Variants in IL1RAPL1 observed in about 807,000 individuals in gnomAD.
The protein encoded by IL1RAPL1 is interleukin-1 receptor accessory protein-like 1.
IL1RAPL1 carries 3 observed loss-of-function variants against 48.4 expected under a neutral mutation model. That is an observed-to-expected ratio of 0.06 (90% CI 0.03 to 0.16). IL1RAPL1 has a LOEUF of 0.16. IL1RAPL1 is among the 10% of genes least tolerant of loss of function. The pLI is 1.00. For synonymous variants in IL1RAPL1, 185 were observed against 187.7 expected (o/e 0.99, Z 0.12); for missense variants, 349 against 530.6 (o/e 0.66, Z 3.36).
chrX:29,850,479 A>G (rs1931340424), intron 6 of IL1RAPL1, among the ~76,000 whole-genome samples: 2 of 112,401 alleles, frequency 1.8e-5, no homozygotes, highest in African/African-American at 6.5e-5. Flanking sequence ...CAGGACCTCT[A>G]AGGCCTTTCC....
chrX:29,465,888 A>G (rs1455692916), intron 5 of IL1RAPL1, among the ~76,000 whole-genome samples: 1 of 111,588 alleles, frequency 9.0e-6, no homozygotes, highest in African/African-American at 3.3e-5. Flanking sequence ...ATCCACCAAT[A>G]GGATGCTCAT....
chrX:28,642,339 C>T (rs1934555694), intron 1 of IL1RAPL1, among the ~76,000 whole-genome samples: 1 of 111,782 alleles, frequency 8.9e-6, no homozygotes, highest in Admixed American at 9.5e-5. Context: ...AACTCTCCAA[C>T]CCAAATCAAC....
intron 2 of IL1RAPL1, among the ~76,000 whole-genome samples, chrX:29,014,866 T>C (rs1054836631): frequency 8.9e-6 from 1 of 111,735 alleles, no homozygotes; most frequent in Non-Finnish European, 1.9e-5. Context: ...ATGTGGTGAT[T>C]ATGCTCTCAT....
chrX:29,198,420 C>T (rs933486617), intron 2 of IL1RAPL1, among the ~76,000 whole-genome samples: 3 of 109,890 alleles, frequency 2.7e-5, no homozygotes, highest in Non-Finnish European at 3.8e-5. Context: ...CTCAGGCTCC[C>T]GAGTAGCTGG....
intron 2 of IL1RAPL1, among the ~76,000 whole-genome samples, chrX:28,970,555 T>C (rs918262548): frequency 8.9e-5 from 10 of 112,038 alleles, no homozygotes; most frequent in Non-Finnish European, 1.9e-4. Flanking sequence ...GATTCATAAG[T>C]TTATAACTCC....
At chrX:29,359,233 A>G (rs138209708) in intron 3 of IL1RAPL1, among the ~76,000 whole-genome samples, 204 of 111,807 alleles carry the variant, frequency 1.8e-3, no homozygotes, top group African/African-American at 5.8e-3. Flanking sequence ...TTTAGCCACT[A>G]CTGAGAAGTC....
At chrX:28,596,820 T>C (rs1933960766) in intron 1 of IL1RAPL1, among the ~76,000 whole-genome samples, 1 of 111,717 alleles carries the variant, frequency 9.0e-6, no homozygotes, top group Non-Finnish European at 1.9e-5. Flanking sequence ...TCCTGATCCA[T>C]GGTTGCTTGG....
chrX:29,098,280 T>A (rs1928258861), intron 2 of IL1RAPL1, among the ~76,000 whole-genome samples: 1 of 111,370 alleles, frequency 9.0e-6, no homozygotes, highest in Non-Finnish European at 1.9e-5. Context: ...ACTGCTCTCC[T>A]TTTACACTTC....
intron 2 of IL1RAPL1, among the ~76,000 whole-genome samples, chrX:29,211,719 G>C (rs1430342676): frequency 2.7e-5 from 3 of 111,150 alleles, no homozygotes; most frequent in African/African-American, 9.9e-5. Context: ...GAAGTCAGAC[G>C]TAGAATTCCT....
At chrX:28,761,467 A>ACACAGGAACAGAAT (rs1936170960) in intron 1 of IL1RAPL1, among the ~76,000 whole-genome samples, 1 of 112,020 alleles carries the variant, frequency 8.9e-6, no homozygotes, top group South Asian at 3.7e-4. Context: ...AGAGGCCATC[A>ACACAGGAACAGAAT]TCCTAAGTGA....
At chrX:29,348,633 G>A (rs1480318073) in intron 3 of IL1RAPL1, among the ~76,000 whole-genome samples, 1 of 111,566 alleles carries the variant, frequency 9.0e-6, no homozygotes, top group African/African-American at 3.3e-5. Flanking sequence ...CTGCTTGGAT[G>A]ACTAGAATAA....
intron 6 of IL1RAPL1, among the ~76,000 whole-genome samples, chrX:29,741,966 A>G (rs1278662813): frequency 1.9e-5 from 2 of 103,907 alleles, no homozygotes; most frequent in African/African-American, 3.6e-5. Context: ...GAAAAGCCCC[A>G]TGTCTTTTCA....
chrX:29,410,196 C>A (rs1453992879), intron 5 of IL1RAPL1, among the ~76,000 whole-genome samples: 1 of 110,342 alleles, frequency 9.1e-6, no homozygotes, highest in African/African-American at 3.3e-5. Flanking sequence ...GGTGCAGTGG[C>A]TCACGTCTGT....
chrX:28,648,178 C>T (rs1231556847), intron 1 of IL1RAPL1, among the ~76,000 whole-genome samples: 1 of 111,131 alleles, frequency 9.0e-6, no homozygotes. Context: ...TGAAGTCTCC[C>T]ACAAATATCA....
intron 1 of IL1RAPL1, among the ~76,000 whole-genome samples, chrX:28,615,435 G>A (rs902306907): frequency 9.1e-6 from 1 of 109,371 alleles, no homozygotes; most frequent in Non-Finnish European, 1.9e-5. Context: ...ACTATAGCTC[G>A]ATTGTGTATA....
At chrX:29,086,886 C>T (rs1255974146) in intron 2 of IL1RAPL1, among the ~76,000 whole-genome samples, 1 of 111,584 alleles carries the variant, frequency 9.0e-6, no homozygotes, top group Non-Finnish European at 1.9e-5. Context: ...TGACTTGGAA[C>T]GTGTGGAAGC....
intron 6 of IL1RAPL1, among the ~76,000 whole-genome samples, chrX:29,756,605 G>T (rs189460631): frequency 0.081 from 8,875 of 110,049 alleles, 317 homozygotes; most frequent in Middle Eastern, 0.24. Flanking sequence ...TAGAGACGGG[G>T]TTTCACCATG....
rs375609135 is a variant in IL1RAPL1 at position 28,751,674 on chromosome X, A to G, written c.-24-37646A>G. ...TACAAGCTCCATGAGAGCAGAGATCATGTCAGTCTTCGGTAGTTGCTGCAA... is the reference window on the plus strand; with the variant it reads ...TACAAGCTCCATGAGAGCAGAGATCGTGTCAGTCTTCGGTAGTTGCTGCAA... On this transcript the variant is annotated intron_variant, in intron 1 of 10. Transcript: ENST00000378993. Among the ~76,000 whole-genome samples the G allele has an allele frequency of 1.4e-3, 155 of 112,433 alleles. 1 individual carries two copies. Among genetic ancestry groups the G allele is most frequent in the African/African-American group, 4.8e-3 (149 of 31,061 alleles).
rs1222415916 is a variant in IL1RAPL1 at position 29,177,945 on chromosome X, A to G, written c.83-104993A>G. ...AATTCATCCTTTTTTATGGCTGCAT[A>G]GTATTCCATGGTGTATATGTGCCAC... On this transcript the variant is annotated intron_variant, in intron 2 of 10. Transcript: ENST00000378993. 2.7e-5 allele frequency among the ~76,000 whole-genome samples: 3 copies of G among 112,243 alleles called. No homozygotes were observed. The East Asian group carries it at 8.4e-4, about 31-fold the overall frequency.
Sources: allele counts gnomAD v4.1 joint callset (sites outside exome capture counted in the v4.1 genomes callset), GRCh38; gene constraint gnomAD v4.1.1; transcripts MANE v1.5; gene names NCBI Gene and HGNC (gene_info 2026-07-23, HGNC 2026-07-21).